The following MGAT5 variants were observed in gnomAD, a reference collection of about 807,000 sequenced individuals.
The protein encoded by MGAT5 is alpha-1,6-mannosylglycoprotein 6-beta-N-acetylglucosaminyltransferase A.
A neutral mutation model predicts 94.3 loss-of-function variants in MGAT5; 30 were observed. The observed-to-expected ratio is 0.32, with a 90% CI of 0.24 to 0.43. The LOEUF is 0.43. MGAT5 is among the 20% of genes least tolerant of loss of function. MGAT5 has a pLI of 1.00. For synonymous variants in MGAT5, 310 were observed against 322.9 expected (o/e 0.96, Z 0.43); for missense variants, 691 against 905.5 (o/e 0.76, Z 3.04).
intron 1 of MGAT5, among the ~76,000 whole-genome samples, chr2:134,270,112 A>G (rs544112439): frequency 6.6e-6 from 1 of 152,370 alleles, no homozygotes; most frequent in African/African-American, 2.4e-5. Context: ...AGGATGCTAA[A>G]TAACAAGGAG....
At chr2:134,273,638 G>T (rs551198714) in intron 2 of MGAT5, among the ~76,000 whole-genome samples, 3 of 152,038 alleles carry the variant, frequency 2.0e-5, no homozygotes, top group Non-Finnish European at 4.4e-5. Flanking sequence ...GTGTGTGTGT[G>T]TGTGTGTCTG....
chr2:134,232,824 T>C (rs1681439686), intron 1 of MGAT5, among the ~76,000 whole-genome samples: 1 of 152,166 alleles, frequency 6.6e-6, no homozygotes, highest in Non-Finnish European at 1.5e-5. Context: ...GTGGTGGTTG[T>C]TATGGTGTGT....
rs369919470 is a variant in MGAT5, at chr2:134,203,796, G to T, written c.-142-50466G>T. 3.4e-4 allele frequency among the ~76,000 whole-genome samples: 51 copies of T among 152,194 alleles called. 1 individual carries two copies. Among genetic ancestry groups the T allele is most frequent in the African/African-American group, 1.2e-3 (50 of 41,542 alleles). ...TCATTTTTTCCTTCTGACTTTAAAA[G>T]AAAGAAAATTCTCATGGGCCCCTAA... On this transcript the variant is annotated intron_variant, in intron 1 of 16. Coordinates refer to the MGAT5 transcript ENST00000409645.
intron 1 of MGAT5, among the ~76,000 whole-genome samples, chr2:134,191,862 A>G (rs1282001267): frequency 7.1e-6 from 1 of 140,988 alleles, no homozygotes; most frequent in Non-Finnish European, 1.5e-5. Flanking sequence ...TGCTCGCGCC[A>G]GCGGCTTCCT....
At chr2:134,381,361 AGAT>A in intron 10 of MGAT5, among the ~76,000 whole-genome samples, 2 of 84,896 alleles carry the variant, frequency 2.4e-5, no homozygotes, top group Middle Eastern at 0.01. Flanking sequence ...ATAGATAGAT[AGAT>A]AGATAAGATA....
At chr2:134,324,434 C>T (rs1311939488) in intron 4 of MGAT5, among the ~76,000 whole-genome samples, 3 of 151,996 alleles carry the variant, frequency 2.0e-5, no homozygotes, top group Non-Finnish European at 2.9e-5. Context: ...TTCTGTTCTC[C>T]CTTGGCAGTA....
chr2:134,447,193 A>G (rs923392458), intron 15 of MGAT5, among the ~76,000 whole-genome samples: 6 of 152,196 alleles, frequency 3.9e-5, no homozygotes, highest in Admixed American at 3.9e-4. Context: ...GCAACGAGAA[A>G]CCTCAGGCTC....
At chr2:134,226,624 ATGT>A (rs1245650017) in intron 1 of MGAT5, among the ~76,000 whole-genome samples, 2 of 152,196 alleles carry the variant, frequency 1.3e-5, no homozygotes, top group African/African-American at 4.8e-5. Flanking sequence ...TTTCAAGATG[ATGT>A]TAAGAATGAA....
At chr2:134,288,623 T>C (rs1685157850) in intron 2 of MGAT5, among the ~76,000 whole-genome samples, 1 of 152,238 alleles carries the variant, frequency 6.6e-6, no homozygotes, top group South Asian at 2.1e-4. Context: ...TCATTGTTCT[T>C]ATGAATAAAA....
intron 10 of MGAT5, among the ~76,000 whole-genome samples, chr2:134,389,002 C>T (rs777569548): frequency 6.6e-6 from 1 of 152,152 alleles, no homozygotes; most frequent in Non-Finnish European, 1.5e-5. Context: ...CTCCAGTGAT[C>T]GGCCTGCCTC....
intron 10 of MGAT5, among the ~76,000 whole-genome samples, chr2:134,376,627 G>A (rs1414457575): frequency 6.6e-6 from 1 of 152,206 alleles, no homozygotes. Flanking sequence ...CTGTCTGGAA[G>A]AGCCTTCCTT....
chr2:134,204,380 A>C (rs1320981955), intron 1 of MGAT5, among the ~76,000 whole-genome samples: 2 of 152,228 alleles, frequency 1.3e-5, no homozygotes, highest in Non-Finnish European at 2.9e-5. Flanking sequence ...TGGCTAATGA[A>C]ATTAGCCAAG....
At chr2:134,144,941 G>A (rs151257775) in intron 1 of MGAT5, among the ~76,000 whole-genome samples, 3 of 152,176 alleles carry the variant, frequency 2.0e-5, no homozygotes, top group Admixed American at 6.5e-5. Context: ...ATGAGGTCAC[G>A]CTGGCCTGCT....
chr2:134,314,626 C>A (rs969734596), intron 2 of MGAT5, among the ~76,000 whole-genome samples: 1 of 152,178 alleles, frequency 6.6e-6, no homozygotes, highest in African/African-American at 2.4e-5. Context: ...CAGAGGAGGA[C>A]AGGATTCCTA....
intron 10 of MGAT5, among the ~76,000 whole-genome samples, chr2:134,397,043 A>G (rs932977038): frequency 1.5e-4 from 23 of 152,342 alleles, no homozygotes; most frequent in African/African-American, 5.3e-4. Flanking sequence ...GGATAAGTTA[A>G]GTGTAGGCAG....
chr2:134,329,113 A>G (rs1687804459), intron 4 of MGAT5, among the ~76,000 whole-genome samples: 1 of 152,108 alleles, frequency 6.6e-6, no homozygotes, highest in African/African-American at 2.4e-5. Context: ...TTAAAATGTA[A>G]TTGAGTGCCC....
At chr2:134,163,920 C>T (rs1687852502) in intron 1 of MGAT5, among the ~76,000 whole-genome samples, 1 of 152,184 alleles carries the variant, frequency 6.6e-6, no homozygotes, top group African/African-American at 2.4e-5. Context: ...GCTGGCTTGT[C>T]CTGGGTGCGG....
intron 1 of MGAT5, among the ~76,000 whole-genome samples, chr2:134,180,992 C>G (rs983294261): frequency 1.8e-4 from 28 of 152,208 alleles, no homozygotes; most frequent in African/African-American, 6.3e-4. Flanking sequence ...GTTCTCATTT[C>G]TTCTCTAGTT....
At chr2:134,329,577 T>C (rs1687835757) in intron 4 of MGAT5, among the ~76,000 whole-genome samples, 1 of 152,132 alleles carries the variant, frequency 6.6e-6, no homozygotes, top group Admixed American at 6.6e-5. Context: ...CAAATAGTGA[T>C]TGAGCATATC....
Sources: gnomAD v4.1 joint callset for allele counts (sites outside exome capture counted in the v4.1 genomes callset) on GRCh38, gnomAD v4.1.1 for gene constraint, MANE v1.5 for transcripts, NCBI Gene and HGNC (gene_info 2026-07-23, HGNC 2026-07-21) for gene names.